The following SLC22A16 variants were observed in gnomAD, a reference collection of about 807,000 sequenced individuals.
SLC22A16 encodes the protein WUGSC:RG331P03.1.
SLC22A16 carries 53 observed loss-of-function variants against 52.9 expected under a neutral mutation model. That is an observed-to-expected ratio of 1.00 (90% CI 0.80 to 1.26). SLC22A16 has a LOEUF of 1.26. Among genes scored for constraint, SLC22A16 ranks in the 50% most tolerant of loss-of-function variants. The pLI is 0.00. For missense variants in SLC22A16, 726 were observed against 704.0 expected (o/e 1.03, Z -0.35); for synonymous variants, 291 against 268.8 (o/e 1.08, Z -0.81).
intron 1 of SLC22A16, among the ~76,000 whole-genome samples, chr6:110,470,238 G>A (rs1015655681): frequency 4.6e-5 from 7 of 152,136 alleles, no homozygotes; most frequent in African/African-American, 1.7e-4. Context: ...AATCCCATAT[G>A]AATATGACTG....
intron 1 of SLC22A16, among the ~76,000 whole-genome samples, chr6:110,461,514 G>T (rs2115004808): frequency 6.6e-6 from 1 of 152,292 alleles, no homozygotes; most frequent in South Asian, 2.1e-4. Context: ...TTACCCTCAA[G>T]CGTCACTTAC....
chr6:110,469,417 C>T (rs1372748673), intron 1 of SLC22A16, among the ~76,000 whole-genome samples: 2 of 152,056 alleles, frequency 1.3e-5, no homozygotes, highest in Non-Finnish European at 2.9e-5. Flanking sequence ...CAGGCAGTTG[C>T]GGGTGACTGT....
chr6:110,435,610 A>G (rs777205233), intron 6 of SLC22A16, among the ~76,000 whole-genome samples: 1 of 152,230 alleles, frequency 6.6e-6, no homozygotes, highest in Non-Finnish European at 1.5e-5. Flanking sequence ...AGTCTATGGT[A>G]CTTGAAACTT....
intron 6 of SLC22A16, among the ~76,000 whole-genome samples, chr6:110,434,853 G>GCC (rs1562278908): frequency 1.2e-4 from 18 of 152,012 alleles, no homozygotes; most frequent in Non-Finnish European, 2.5e-4. Flanking sequence ...TGGCATGCAC[G>GCC]TGTAATCCCA....
intron 1 of SLC22A16, among the ~76,000 whole-genome samples, chr6:110,464,334 A>G: frequency 6.6e-6 from 1 of 152,068 alleles, no homozygotes; most frequent in East Asian, 1.9e-4. Context: ...AACCAAAAAA[A>G]TCATACAAAG....
chr6:110,436,409 G>A (rs1774731267), intron 5 of SLC22A16, among the ~76,000 whole-genome samples: 1 of 152,192 alleles, frequency 6.6e-6, no homozygotes. Flanking sequence ...AGAATCACTT[G>A]AGGCCAAGAG....
intron 1 of SLC22A16, among the ~76,000 whole-genome samples, chr6:110,470,485 C>T (rs1219096906): frequency 1.3e-5 from 2 of 152,116 alleles, no homozygotes; most frequent in African/African-American, 4.8e-5. Context: ...CTTACTTCCC[C>T]CATCCTTCCC....
intron 3 of SLC22A16, among the ~76,000 whole-genome samples, chr6:110,443,104 T>C (rs1775040716): frequency 6.6e-6 from 1 of 152,222 alleles, no homozygotes; most frequent in African/African-American, 2.4e-5. Context: ...ATACATCAAG[T>C]TATCTGTATC....
intron 1 of SLC22A16, among the ~76,000 whole-genome samples, chr6:110,460,133 C>T (rs777327859): frequency 2.0e-5 from 3 of 152,156 alleles, no homozygotes; most frequent in Non-Finnish European, 4.4e-5. Flanking sequence ...ATGTGATCTC[C>T]ATCGCCCTTC....
chr6:110,448,427 T>A lies in SLC22A16; in HGVS notation c.534-1437A>T, dbSNP rs528499725. On this transcript the variant is annotated intron_variant, in intron 2 of 7. Coordinates refer to ENST00000368919, the MANE Select transcript of SLC22A16 (RefSeq NM_033125.4). ...TTATCAGATATATAATAAGCAAATATTTTCTTCCTATGGGTTGTCTCTGAC... is the reference window on the plus strand; with the variant it reads ...TTATCAGATATATAATAAGCAAATAATTTCTTCCTATGGGTTGTCTCTGAC... Among the ~76,000 whole-genome samples, 7 of 152,302 alleles carry A rather than the reference T, an allele frequency of 4.6e-5. No homozygotes were observed. The East Asian group carries it at 9.6e-4, about 21-fold the overall frequency.
intron 2 of SLC22A16, 179 bp downstream of exon 2, chr6:110,456,359 G>T: frequency 2.4e-6 from 2 of 849,256 alleles, no homozygotes; most frequent in Non-Finnish European, 3.6e-6. Flanking sequence ...TAGGTATACT[G>T]TCTTCAGAGC....
chr6:110,433,883 C>T (rs1774606789), intron 6 of SLC22A16, among the ~76,000 whole-genome samples: 1 of 152,114 alleles, frequency 6.6e-6, no homozygotes, highest in Non-Finnish European at 1.5e-5. Context: ...CTCTTGGCAG[C>T]AGTGTGACCC....
chr6:110,438,988 G>A (rs952557975), intron 4 of SLC22A16, 141 bp from the exon 5 acceptor site: 2 of 1,047,660 alleles, frequency 1.9e-6, no homozygotes, highest in Middle Eastern at 3.2e-4. Flanking sequence ...AAGAATTGCT[G>A]CGAGGCAGCC....
chr6:110,429,419 A>G (rs571180546), intron 7 of SLC22A16, among the ~76,000 whole-genome samples: 5 of 152,178 alleles, frequency 3.3e-5, no homozygotes, highest in African/African-American at 1.2e-4. Flanking sequence ...GTACAAGGCA[A>G]CTCCAGGGGA....
chr6:110,453,843 C>A (rs1482763417), intron 2 of SLC22A16: 2 of 386,902 alleles, frequency 5.2e-6, no homozygotes, highest in Non-Finnish European at 1.0e-5. Flanking sequence ...GTACTGGCTT[C>A]TTGCAAGGGC....
chr6:110,431,223 A>AT lies in SLC22A16; in HGVS notation c.1468dup (p.Ile490AsnfsTer58). 1 of 1,613,674 alleles carries AT rather than the reference A, an allele frequency of 6.2e-7. No homozygotes were observed. The highest frequency in any genetic ancestry group is 1.3e-5 in the African/African-American group (1 of 75,054). ...GAGGTCCACAGAGAACGGCGCCAGG[A>AT]TGCTGGCCAGGCGACACACCATGCT... On this transcript the variant is annotated frameshift_variant, in exon 7 of 8. Coordinates refer to ENST00000368919, the MANE Select transcript of SLC22A16 (RefSeq NM_033125.4). LOFTEE classifies it high-confidence loss of function.
At chr6:110,468,645 C>CA (rs769660816) in intron 1 of SLC22A16, among the ~76,000 whole-genome samples, 17,943 of 86,368 alleles carry the variant, frequency 0.21, 1,502 homozygotes, top group East Asian at 0.43. Flanking sequence ...GGCTCTGTCT[C>CA]AAAAAAAAAA....
intron 1 of SLC22A16, among the ~76,000 whole-genome samples, chr6:110,467,196 T>C (rs1012170829): frequency 7.2e-5 from 11 of 152,242 alleles, no homozygotes; most frequent in South Asian, 4.1e-4. Context: ...GCGTTTTTTT[T>C]CCCTCCAACC....
intron 2 of SLC22A16, chr6:110,456,109 A>G (rs1775641588): frequency 5.9e-6 from 1 of 169,420 alleles, no homozygotes; most frequent in South Asian, 1.5e-4. Context: ...GGATCAGGCT[A>G]CTCCTATTAA....
Sources: allele counts gnomAD v4.1 joint callset (sites outside exome capture counted in the v4.1 genomes callset), GRCh38; gene constraint gnomAD v4.1.1; transcripts MANE v1.5; gene names NCBI Gene and HGNC (gene_info 2026-07-23, HGNC 2026-07-21).